Variants in YES1 observed in about 807,000 individuals in gnomAD.
YES1 encodes tyrosine-protein kinase Yes.
YES1 carries 39 observed loss-of-function variants against 70.4 expected under a neutral mutation model. The observed-to-expected ratio is 0.55, with a 90% CI of 0.43 to 0.72. The LOEUF (loss-of-function observed/expected upper bound fraction) is 0.72. Ranked by LOEUF, YES1 falls within the 30% of genes least tolerant of loss-of-function variation. YES1 has a pLI of 0.00. For missense variants in YES1, 495 were observed against 644.8 expected (o/e 0.77, Z 2.52); for synonymous variants, 198 against 218.6 (o/e 0.91, Z 0.83).
intron 11 of YES1, among the ~76,000 whole-genome samples, chr18:729,420 A>AAAAT (rs964352904): frequency 2.6e-5 from 4 of 151,616 alleles, no homozygotes; most frequent in East Asian, 3.9e-4. Flanking sequence ...GTCCCAAAAG[A>AAAAT]AAATAAATAA....
intron 1 of YES1, among the ~76,000 whole-genome samples, chr18:793,775 C>T (rs1252372863): frequency 6.6e-6 from 1 of 152,096 alleles, no homozygotes; most frequent in Non-Finnish European, 1.5e-5. Flanking sequence ...AAGTAGTACT[C>T]AACAAATGAT....
intron 1 of YES1, among the ~76,000 whole-genome samples, chr18:775,551 C>T (rs946170862): frequency 5.3e-5 from 8 of 152,134 alleles, no homozygotes; most frequent in Non-Finnish European, 7.3e-5. Context: ...AATACCAACA[C>T]TTTGGAAAGC....
intron 11 of YES1, among the ~76,000 whole-genome samples, chr18:725,104 C>T (rs2080001722): frequency 6.6e-6 from 1 of 152,144 alleles, no homozygotes; most frequent in Non-Finnish European, 1.5e-5. Context: ...TGAAAGTTTC[C>T]TTATCTAATA....
chr18:769,310 CTTA>C (rs1905055611), intron 1 of YES1, among the ~76,000 whole-genome samples: 1 of 152,174 alleles, frequency 6.6e-6, no homozygotes, highest in Non-Finnish European at 1.5e-5. Context: ...GTACTAAACT[CTTA>C]TGATTTCTAG....
chr18:773,806 T>TTC (rs1214479090), intron 1 of YES1, among the ~76,000 whole-genome samples: 2 of 150,844 alleles, frequency 1.3e-5, no homozygotes, highest in Non-Finnish European at 2.9e-5. Flanking sequence ...AAAACTGAGG[T>TTC]TCTCTCTCTC....
rs147482667 is a variant in YES1 at position 781,639 on chromosome 18, A to G, written c.-8-24804T>C. ...GGCTCATAGCTGATGCCCAATGAATATTTTTACAGATCATGAATACAAACT... is the reference window on the plus strand; with the variant it reads ...GGCTCATAGCTGATGCCCAATGAATGTTTTTACAGATCATGAATACAAACT... On this transcript the variant is annotated intron_variant, in intron 1 of 11. Coordinates refer to ENST00000314574, the MANE Select transcript of YES1 (RefSeq NM_005433.4). Among the ~76,000 whole-genome samples the G allele has an allele frequency of 2.0e-3, 303 of 152,256 alleles. 1 individual carries two copies. Among genetic ancestry groups the G allele is most frequent in the African/African-American group, 6.9e-3 (287 of 41,560 alleles).
At position 748,027 on chromosome 18, in the gene YES1, C is replaced by A. The variant is rs377709565; in HGVS notation, c.372-9G>T. ...CCCACCAATCTCCTTCCCTGCAACACATAAAACAGCAATCACCGCAAGGTA... is the reference window on the plus strand; with the variant it reads ...CCCACCAATCTCCTTCCCTGCAACAAATAAAACAGCAATCACCGCAAGGTA... On this transcript the variant is annotated splice_polypyrimidine_tract_variant and intron_variant, in intron 3 of 11. Transcript: ENST00000314574. 1 of 1,612,570 alleles carries A rather than the reference C, an allele frequency of 6.2e-7. No homozygotes were observed. The highest frequency in any genetic ancestry group is 1.3e-5 in the African/African-American group (1 of 74,888).
Position 757,869 on chromosome 18 carries a change from T to C in YES1, c.-8-1034A>G, listed in dbSNP as rs550958971. Among the ~76,000 whole-genome samples the C allele has an allele frequency of 1.3e-4, 18 of 142,148 alleles. 1 individual carries two copies. The highest frequency in any genetic ancestry group is 9.0e-4 in the South Asian group (4 of 4,432). The allele number at this position is 142,148 out of a possible 152,430, so 93.3% of individuals were successfully genotyped here. On this transcript the variant is annotated intron_variant, in intron 1 of 11. Transcript: ENST00000314574. ...GCATCTGGGTGATAAAATTATCTGT[T>C]AAAAAAAAAAGAAAAAGAAAGAAAA...
At chr18:734,923 C>T (rs982897175) in intron 10 of YES1, among the ~76,000 whole-genome samples, 76 of 152,082 alleles carry the variant, frequency 5.0e-4, no homozygotes, top group Non-Finnish European at 1.5e-4. Flanking sequence ...TTTGGGAAGC[C>T]AAGGCGTGTG....
At chr18:784,807 G>A (rs898183159) in intron 1 of YES1, among the ~76,000 whole-genome samples, 5 of 152,094 alleles carry the variant, frequency 3.3e-5, no homozygotes, top group Non-Finnish European at 7.4e-5. Context: ...GGATAAGCCA[G>A]GATAAACTCT....
chr18:765,290 A>ATG (rs1904843659), intron 1 of YES1, among the ~76,000 whole-genome samples: 1 of 125,312 alleles, frequency 8.0e-6, no homozygotes, highest in Admixed American at 8.6e-5. Context: ...ATATATATAT[A>ATG]TATCTGTAGC....
intron 1 of YES1, among the ~76,000 whole-genome samples, chr18:779,908 C>CTT (rs1204936148): frequency 3.5e-5 from 5 of 142,604 alleles, no homozygotes; most frequent in South Asian, 2.2e-4. Context: ...GTATGTAGTC[C>CTT]TTTTTTTTTT....
intron 1 of YES1, among the ~76,000 whole-genome samples, chr18:760,775 A>G (rs1289925427): frequency 2.6e-5 from 4 of 152,226 alleles, no homozygotes; most frequent in African/African-American, 9.6e-5. Context: ...AGTCTTTTAA[A>G]GTATAAAGTA....
At chr18:782,453 G>C (rs1431452506) in intron 1 of YES1, among the ~76,000 whole-genome samples, 9 of 152,112 alleles carry the variant, frequency 5.9e-5, no homozygotes, top group Admixed American at 5.9e-4. Context: ...GATAGGAAAG[G>C]TCCTAGAAAA....
chr18:811,353 A>C (rs1469998935), intron 1 of YES1, among the ~76,000 whole-genome samples: 2 of 152,160 alleles, frequency 1.3e-5, no homozygotes, highest in Non-Finnish European at 2.9e-5. Context: ...TACAAAACAA[A>C]AACTAAAGTC....
At chr18:804,000 A>G (rs1213115640) in intron 1 of YES1, among the ~76,000 whole-genome samples, 1 of 152,164 alleles carries the variant, frequency 6.6e-6, no homozygotes, top group African/African-American at 2.4e-5. Context: ...CAACTTACAA[A>G]CTTTCAGAAC....
At chr18:795,048 C>T (rs1473273068) in intron 1 of YES1, among the ~76,000 whole-genome samples, 1 of 152,136 alleles carries the variant, frequency 6.6e-6, no homozygotes, top group African/African-American at 2.4e-5. Context: ...CTACTGATCT[C>T]GTGATCCGCC....
intron 1 of YES1, among the ~76,000 whole-genome samples, chr18:794,750 T>C (rs1211738774): frequency 6.6e-6 from 1 of 152,198 alleles, no homozygotes; most frequent in Non-Finnish European, 1.5e-5. Context: ...ATCCCACCAA[T>C]TTCTGCCTCT....
chr18:778,426 A>T (rs759504367), intron 1 of YES1, among the ~76,000 whole-genome samples: 8 of 152,262 alleles, frequency 5.3e-5, no homozygotes, highest in Non-Finnish European at 8.8e-5. Context: ...CAGCATGACA[A>T]TGTTGCCTTA....
Sources: gnomAD v4.1 joint callset for allele counts (sites outside exome capture counted in the v4.1 genomes callset) on GRCh38, gnomAD v4.1.1 for gene constraint, MANE v1.5 for transcripts, NCBI Gene and HGNC (gene_info 2026-07-23, HGNC 2026-07-21) for gene names.